Variants in RTN4IP1 observed in about 807,000 individuals in gnomAD.
RTN4IP1 encodes the protein reticulon 4 interacting protein 1.
In RTN4IP1, 32 loss-of-function variants were observed where a neutral mutation model predicts 46.6. The observed-to-expected ratio is 0.69, with a 90% CI of 0.52 to 0.92. The LOEUF (loss-of-function observed/expected upper bound fraction) is 0.92. RTN4IP1 is among the 40% of genes least tolerant of loss of function. RTN4IP1 has a pLI of 0.00. For synonymous variants in RTN4IP1, 167 were observed against 161.8 expected, an observed-to-expected ratio of 1.03 and a Z score of -0.24; for missense variants, 424 against 485.8, an observed-to-expected ratio of 0.87 and a Z score of 1.20.
Position 106,628,884 on chromosome 6 carries a change from C to T in RTN4IP1, c.138G>A (p.Trp46Ter), listed in dbSNP as rs751989550. 4 of 1,614,110 alleles carry T rather than the reference C, an allele frequency of 2.5e-6. No homozygotes were observed. In the South Asian group the frequency reaches 3.3e-5, roughly 13 times the overall value. ...TSPRSTVMPA[W>*]VIDKYGKNEV... ...CATTCTTCCCATATTTATCTATCAC[C>T]CAAGCAGGCATGACAGTGCTCCTAG... The change falls in exon 1 of 9, where the codon TGG becomes TGA. Residue 46 changes from tryptophan (W) to a stop codon, truncating the protein, a stop_gained. Coordinates refer to ENST00000369063, the MANE Select transcript of RTN4IP1 (RefSeq NM_032730.5). LOFTEE classifies it high-confidence loss of function.
intron 8 of RTN4IP1, among the ~76,000 whole-genome samples, chr6:106,578,450 A>C (rs1775280296): frequency 1.3e-5 from 2 of 152,188 alleles, no homozygotes; most frequent in African/African-American, 2.4e-5. Context: ...CCTGAATAGA[A>C]TTTTTGCTAT....
intron 4 of RTN4IP1, among the ~76,000 whole-genome samples, chr6:106,613,739 A>AT (rs1310650683): frequency 6.6e-6 from 1 of 152,180 alleles, no homozygotes; most frequent in Non-Finnish European, 1.5e-5. Flanking sequence ...CCCCTGCAGC[A>AT]TTAACATCAA....
chr6:106,571,968 G>T lies in RTN4IP1; in HGVS notation c.*28C>A. 1 of 1,562,472 alleles carries T rather than the reference G, an allele frequency of 6.4e-7. No individual in the cohort carries two copies. Among genetic ancestry groups the T allele is most frequent in the Non-Finnish European group, 8.8e-7 (1 of 1,134,752 alleles). ...TCACAGGCACTCACCAAATAAGAAC[G>T]TCAACAATCACTAAACTGCATTTTT... On this transcript the variant is annotated 3_prime_UTR_variant, in exon 9 of 9. Transcript: ENST00000369063.
intron 8 of RTN4IP1, among the ~76,000 whole-genome samples, chr6:106,582,805 C>T (rs1775399727): frequency 6.6e-6 from 1 of 152,136 alleles, no homozygotes; most frequent in South Asian, 2.1e-4. Context: ...AGCCCCTTTC[C>T]CACAGAGTCC....
chr6:106,574,151 T>C (rs568993205), intron 8 of RTN4IP1, among the ~76,000 whole-genome samples: 4 of 152,298 alleles, frequency 2.6e-5, no homozygotes, highest in East Asian at 1.9e-4. Flanking sequence ...ATGGAATGCA[T>C]TGATGTTTCT....
intron 8 of RTN4IP1, 22 bp downstream of exon 8, chr6:106,583,306 C>G (rs1321536797): frequency 6.3e-7 from 1 of 1,597,464 alleles, no homozygotes; most frequent in Non-Finnish European, 8.6e-7. Context: ...GGCTTCCAAT[C>G]CAGGTTTCCA....
At chr6:106,591,750 T>C (rs1582868693) in intron 6 of RTN4IP1, among the ~76,000 whole-genome samples, 1 of 152,134 alleles carries the variant, frequency 6.6e-6, no homozygotes, top group African/African-American at 2.4e-5. Context: ...GATTTAGACT[T>C]ACACTGTTTC....
Position 106,571,118 on chromosome 6 carries a change from C to G in RTN4IP1, c.*878G>C, listed in dbSNP as rs1016059421. 1.7e-4 allele frequency: 26 copies of G among 152,310 alleles called. No homozygotes were observed. The highest frequency in any genetic ancestry group is 5.2e-4 in the Admixed American group (8 of 15,302). The allele number at this position is 152,310 out of a possible 1,614,324, so 9.4% of individuals were successfully genotyped here. ...GAGAAGCATGTTTCAATTGCCGAAA[C>G]AGGCCTAATCCTTATGCAAGATGTA... On this transcript the variant is annotated 3_prime_UTR_variant, in exon 9 of 9. Coordinates refer to ENST00000369063, the MANE Select transcript of RTN4IP1 (RefSeq NM_032730.5).
intron 7 of RTN4IP1, among the ~76,000 whole-genome samples, chr6:106,586,311 C>T (rs1775482721): frequency 6.6e-6 from 1 of 152,308 alleles, no homozygotes; most frequent in African/African-American, 2.4e-5. Flanking sequence ...AGCCTTTTTA[C>T]CACTGAGGAA....
intron 4 of RTN4IP1, among the ~76,000 whole-genome samples, chr6:106,611,069 G>A (rs566780855): frequency 1.2e-4 from 18 of 151,218 alleles, no homozygotes; most frequent in Non-Finnish European, 2.4e-4. Flanking sequence ...ACAAAAACAC[G>A]AAACATGCTA....
intron 5 of RTN4IP1, among the ~76,000 whole-genome samples, chr6:106,600,980 CTA>C (rs1775932955): frequency 1.3e-5 from 2 of 152,008 alleles, no homozygotes; most frequent in Non-Finnish European, 2.9e-5. Context: ...TATGGTAATT[CTA>C]TGTTTAACAT....
rs571365731 is a variant in RTN4IP1, at chr6:106,597,410, T to C, written c.670-5110A>G. Among the ~76,000 whole-genome samples the C allele has an allele frequency of 2.0e-5, 3 of 152,288 alleles. No homozygotes were observed. In the South Asian group the frequency reaches 6.2e-4, roughly 32 times the overall value. On this transcript the variant is annotated intron_variant, in intron 5 of 8. Transcript: ENST00000369063. The stretch of plus-strand genomic sequence containing the variant: ...TCCAGGCTGAAGTGCAGTGGTGTGA[T>C]CACAGCTCACTGCAGCCTCGACCTC...
chr6:106,629,483 G>A lies in RTN4IP1; in HGVS notation c.-462C>T. The A allele has an allele frequency of 4.2e-6, 3 of 718,740 alleles. No homozygotes were observed. Among genetic ancestry groups the A allele is most frequent in the Non-Finnish European group, 6.7e-6 (3 of 448,256 alleles). The allele number at this position is 718,740 out of a possible 1,614,324, so 44.5% of individuals were successfully genotyped here. On this transcript the variant is annotated 5_prime_UTR_variant, in exon 1 of 9. Coordinates refer to ENST00000369063, the MANE Select transcript of RTN4IP1 (RefSeq NM_032730.5). Reference sequence around the variant, plus strand: ...CCTTGCCTGCCCGCTCTCCTTAGCCGCCGGGATGGCTTTGCGGCGCCAACC... The same window carrying A: ...CCTTGCCTGCCCGCTCTCCTTAGCCACCGGGATGGCTTTGCGGCGCCAACC...
chr6:106,608,017 G>C (rs1352797404), intron 4 of RTN4IP1, among the ~76,000 whole-genome samples: 1 of 152,096 alleles, frequency 6.6e-6, no homozygotes, highest in African/African-American at 2.4e-5. Context: ...ATATCAAAGA[G>C]ATATCTGCAC....
chr6:106,591,190 C>T (rs994848804), intron 6 of RTN4IP1, among the ~76,000 whole-genome samples: 41 of 152,018 alleles, frequency 2.7e-4, no homozygotes, highest in African/African-American at 8.5e-4. Flanking sequence ...TTTTTCAGAG[C>T]ACCTACCACT....
At chr6:106,605,023 T>G (rs781075802) in intron 4 of RTN4IP1, among the ~76,000 whole-genome samples, 5 of 152,134 alleles carry the variant, frequency 3.3e-5, no homozygotes, top group Non-Finnish European at 7.3e-5. Context: ...ATGACCACAG[T>G]GCTGAGGACT....
chr6:106,578,913 T>TC, intron 8 of RTN4IP1, among the ~76,000 whole-genome samples: 1 of 139,536 alleles, frequency 7.2e-6, no homozygotes, highest in East Asian at 2.2e-4. Flanking sequence ...TTCTTCTTCT[T>TC]CTTTTTTTTT....
intron 4 of RTN4IP1, among the ~76,000 whole-genome samples, chr6:106,617,010 TATAAG>T (rs971500295): frequency 2.0e-5 from 3 of 150,746 alleles, no homozygotes; most frequent in African/African-American, 7.3e-5. Context: ...TTTGTGCTCT[TATAAG>T]AGAGAGAGAC....
At chr6:106,609,697 C>T (rs1776175908) in intron 4 of RTN4IP1, among the ~76,000 whole-genome samples, 1 of 152,208 alleles carries the variant, frequency 6.6e-6, no homozygotes, top group South Asian at 2.1e-4. Context: ...ATGCTGGATA[C>T]TAAATATAAT....
Sources: gnomAD v4.1 joint callset for allele counts (sites outside exome capture counted in the v4.1 genomes callset) on GRCh38, gnomAD v4.1.1 for gene constraint, MANE v1.5 for transcripts, NCBI Gene and HGNC (gene_info 2026-07-23, HGNC 2026-07-21) for gene names.